The following XCR1 variants were observed in gnomAD, a reference collection of about 807,000 sequenced individuals.
XCR1 encodes the protein X-C motif chemokine receptor 1, also known as chemokine XC receptor 1.
For missense variants in XCR1, 356 were observed against 424.2 expected, an observed-to-expected ratio of 0.84 and a Z score of 1.41; for synonymous variants, 187 against 188.5, an observed-to-expected ratio of 0.99 and a Z score of 0.06.
At chr3:46,071,035 A>G (rs969775210) in intron 3 of XCR1, among the ~76,000 whole-genome samples, 3 of 152,150 alleles carry the variant, frequency 2.0e-5, no homozygotes, top group Non-Finnish European at 4.4e-5. Flanking sequence ...CATTTCTTGT[A>G]CAAAAGAAGA....
chr3:46,038,023 G>GTTTTTTTT (rs1254638392), intron 5 of XCR1, among the ~76,000 whole-genome samples: 2 of 105,112 alleles, frequency 1.9e-5, no homozygotes, highest in Non-Finnish European at 3.4e-5. Context: ...GCACGGGTTT[G>GTTTTTTTT]TTTTTTGTTT....
chr3:46,074,777 C>T (rs750299492), intron 2 of XCR1, among the ~76,000 whole-genome samples: 2 of 152,040 alleles, frequency 1.3e-5, no homozygotes, highest in Middle Eastern at 3.2e-3. Flanking sequence ...CAAAGGTAGA[C>T]GAAATTTTGG....
At chr3:46,024,068 C>G (rs566111497) in intron 1 of XCR1, 1 of 961,666 alleles carries the variant, frequency 1.0e-6, no homozygotes, top group South Asian at 1.3e-5. Context: ...ATTCCAATCC[C>G]CAGTCTTCCT....
At chr3:46,031,979 C>T (rs1708402897), upstream of XCR1, among the ~76,000 whole-genome samples, 1 of 152,194 alleles carries the variant, frequency 6.6e-6, no homozygotes, top group Admixed American at 6.5e-5. Flanking sequence ...CATTGGGACA[C>T]CCTGGCTGCA....
chr3:46,033,639 G>C (rs1697348761), intron 5 of XCR1, among the ~76,000 whole-genome samples: 1 of 151,960 alleles, frequency 6.6e-6, no homozygotes, highest in Non-Finnish European at 1.5e-5. Context: ...GTTTTTTGTT[G>C]GTTATTCTAG....
At chr3:46,029,243 G>A (rs184022851), upstream of XCR1, among the ~76,000 whole-genome samples, 1 of 152,288 alleles carries the variant, frequency 6.6e-6, no homozygotes, top group Non-Finnish European at 1.5e-5. Context: ...TCACTCTGTT[G>A]CCCCGTCTGG....
chr3:46,056,569 A>G lies in XCR1; in HGVS notation c.-182-2499T>C, dbSNP rs190767757. On this transcript the variant is annotated intron_variant, in intron 4 of 5. Coordinates refer to the XCR1 transcript ENST00000683768. ...GCTCGCTGCAGCCTCAACCTCCTGGACTCAAGCAATTCTCCTGCCTCAGCC... is the reference window on the plus strand; with the variant it reads ...GCTCGCTGCAGCCTCAACCTCCTGGGCTCAAGCAATTCTCCTGCCTCAGCC... 1.6e-4 allele frequency among the ~76,000 whole-genome samples: 25 copies of G among 151,862 alleles called. No homozygotes were observed. The East Asian group carries it at 4.5e-3, about 27-fold the overall frequency.
At chr3:46,049,028 G>A (rs28838992) in intron 5 of XCR1, among the ~76,000 whole-genome samples, 2 of 152,182 alleles carry the variant, frequency 1.3e-5, no homozygotes, top group African/African-American at 4.8e-5. Flanking sequence ...TAATTGTTTA[G>A]GTATCCCCAT....
intron 5 of XCR1, among the ~76,000 whole-genome samples, chr3:46,048,814 T>TAA (rs1351790975): frequency 6.6e-6 from 1 of 152,314 alleles, no homozygotes; most frequent in East Asian, 1.9e-4. Flanking sequence ...TAAATAAGGC[T>TAA]AAATATAGTT....
chr3:46,058,634 A>G (rs1319432477), intron 4 of XCR1, among the ~76,000 whole-genome samples: 2 of 152,060 alleles, frequency 1.3e-5, no homozygotes, highest in South Asian at 2.1e-4. Flanking sequence ...TGCAGCTTCT[A>G]CCTCCTGGGC....
rs1575408377 is a variant in XCR1, at chr3:46,023,431, A to G, written c.-31-1453T>C. 2.7e-6 allele frequency: 4 copies of G among 1,482,470 alleles called. No individual in the cohort carries two copies. The East Asian group carries it at 9.1e-5, about 34-fold the overall frequency. 91.8% of individuals were successfully genotyped at this position (1,482,470 alleles called of 1,614,324 possible). Reference sequence around the variant, plus strand: ...TGCGGCATATCTTTCTGAAGCCATGAAGCTGACACAATCTGAGCAGGCTCG... The same window carrying G: ...TGCGGCATATCTTTCTGAAGCCATGGAGCTGACACAATCTGAGCAGGCTCG... On this transcript the variant is annotated intron_variant, in intron 1 of 1. Coordinates refer to ENST00000309285, the MANE Select transcript of XCR1 (RefSeq NM_001024644.2).
At chr3:46,024,030 T>C (rs1708235164) in intron 1 of XCR1, 1 of 1,299,268 alleles carries the variant, frequency 7.7e-7, no homozygotes, top group Non-Finnish European at 1.1e-6. Context: ...GGCAGAAGTT[T>C]GCAGCAAATG....
upstream of XCR1, among the ~76,000 whole-genome samples, chr3:46,032,286 A>G (rs1292970806): frequency 6.6e-6 from 1 of 152,160 alleles, no homozygotes; most frequent in Admixed American, 6.5e-5. Context: ...TGTGGTTCCT[A>G]GCATCTCTAA....
chr3:46,080,476 C>A (rs570701654), intron 1 of XCR1, among the ~76,000 whole-genome samples: 1 of 152,238 alleles, frequency 6.6e-6, no homozygotes, highest in African/African-American at 2.4e-5. Flanking sequence ...GCATGAGAAT[C>A]TTTTGAACTA....
intron 4 of XCR1, among the ~76,000 whole-genome samples, chr3:46,062,365 C>T (rs1258161039): frequency 6.6e-6 from 1 of 152,210 alleles, no homozygotes; most frequent in Non-Finnish European, 1.5e-5. Flanking sequence ...CCCCCCACTA[C>T]TTCTGGCTAA....
chr3:46,022,491 T>C (rs1230377657), intron 1 of XCR1, among the ~76,000 whole-genome samples: 1 of 152,236 alleles, frequency 6.6e-6, no homozygotes. Flanking sequence ...ACAAAGAGTC[T>C]ATTCTATCAG....
intron 1 of XCR1, chr3:46,024,033 A>G: frequency 7.7e-7 from 1 of 1,296,752 alleles, no homozygotes; most frequent in Non-Finnish European, 1.1e-6. Context: ...AGAAGTTTGC[A>G]GCAAATGCCG....
chr3:46,076,415 G>T (rs1008040432), intron 2 of XCR1, among the ~76,000 whole-genome samples: 2 of 151,984 alleles, frequency 1.3e-5, no homozygotes, highest in East Asian at 1.9e-4. Flanking sequence ...GCCCCACATT[G>T]GCTCAAGTAA....
intron 1 of XCR1, among the ~76,000 whole-genome samples, chr3:46,025,436 G>A (rs1575409867): frequency 6.6e-6 from 1 of 151,758 alleles, no homozygotes; most frequent in African/African-American, 2.4e-5. Flanking sequence ...GAGAGAGAGA[G>A]AAAGACCAAA....
Sources: gnomAD v4.1 joint callset for allele counts (sites outside exome capture counted in the v4.1 genomes callset) on GRCh38, gnomAD v4.1.1 for gene constraint, MANE v1.5 for transcripts, NCBI Gene and HGNC (gene_info 2026-07-23, HGNC 2026-07-21) for gene names.